OSBP2: variants seen among roughly 807,000 people sequenced by gnomAD.
The protein encoded by OSBP2 is oxysterol binding protein 2, also known as oxysterol-binding protein 2.
In OSBP2, 66 loss-of-function variants were observed where a neutral mutation model predicts 96.0. The observed-to-expected ratio is 0.69, with a 90% confidence interval of 0.56 to 0.84. The LOEUF is 0.84. Ranked by LOEUF, OSBP2 falls within the 40% of genes least tolerant of loss-of-function variation. The probability of loss-of-function intolerance (pLI) is 0.00; values close to 1 mark genes in which losing one functional copy is unlikely to be tolerated. For missense variants in OSBP2, 1,038 were observed against 1,222.7 expected, an observed-to-expected ratio of 0.85 and a Z score of 2.25; for synonymous variants, 525 against 520.9, an observed-to-expected ratio of 1.01 and a Z score of -0.11.
intron 2 of OSBP2, among the ~76,000 whole-genome samples, chr22:30,746,243 A>G (rs1235480966): frequency 3.9e-5 from 6 of 151,988 alleles, no homozygotes; most frequent in Admixed American, 3.3e-4. Flanking sequence ...ACATAGTGAG[A>G]CCCTTTCTTT....
chr22:30,800,588 A>G (rs1027613985), intron 2 of OSBP2, among the ~76,000 whole-genome samples: 2 of 152,156 alleles, frequency 1.3e-5, no homozygotes, highest in African/African-American at 4.8e-5. Flanking sequence ...GTCAGCAGCA[A>G]TGGAAGTCAC....
intron 2 of OSBP2, chr22:30,822,395 G>A: frequency 6.9e-6 from 5 of 725,266 alleles, no homozygotes; most frequent in Non-Finnish European, 9.6e-6. Flanking sequence ...GGGAGGAAGT[G>A]GTAGGCAGCA....
intron 2 of OSBP2, among the ~76,000 whole-genome samples, chr22:30,775,702 T>C (rs1330287937): frequency 6.6e-6 from 1 of 152,224 alleles, no homozygotes; most frequent in Non-Finnish European, 1.5e-5. Flanking sequence ...ATTGTTCAAA[T>C]ACCTAATTAT....
intron 1 of OSBP2, among the ~76,000 whole-genome samples, chr22:30,713,376 CATTTT>C (rs986477701): frequency 6.6e-6 from 1 of 151,994 alleles, no homozygotes; most frequent in African/African-American, 2.4e-5. Context: ...GCACCCAGCT[CATTTT>C]ATTTTATTTT....
intron 2 of OSBP2, among the ~76,000 whole-genome samples, chr22:30,869,003 A>G (rs2039405313): frequency 6.6e-6 from 1 of 152,242 alleles, no homozygotes; most frequent in Non-Finnish European, 1.5e-5. Flanking sequence ...CTTGGCAGTT[A>G]CAGGCTCTGG....
At chr22:30,730,806 ATAAT>A (rs1297195028) in intron 1 of OSBP2, among the ~76,000 whole-genome samples, 7 of 41,558 alleles carry the variant, frequency 1.7e-4, no homozygotes, top group African/African-American at 5.2e-4. Context: ...ATATATATAT[ATAAT>A]TTTTTTTTTT....
At chr22:30,772,586 C>G (rs144488870) in intron 2 of OSBP2, among the ~76,000 whole-genome samples, 89 of 152,294 alleles carry the variant, frequency 5.8e-4, no homozygotes, top group African/African-American at 2.1e-3. Context: ...CCTACCTGTC[C>G]TAGGAGCAGC....
chr22:30,892,660 G>A (rs2039974130), intron 8 of OSBP2, among the ~76,000 whole-genome samples: 1 of 152,148 alleles, frequency 6.6e-6, no homozygotes, highest in African/African-American at 2.4e-5. Context: ...TCTGGAGCCA[G>A]GCTGGCCAGA....
intron 1 of OSBP2, 76 bp downstream of exon 1, chr22:30,695,629 G>A (rs1393187442): frequency 2.6e-6 from 4 of 1,535,884 alleles, no homozygotes; most frequent in Non-Finnish European, 3.5e-6. Flanking sequence ...GGGCCTCCAT[G>A]GTTGGCGGAC....
chr22:30,831,075 G>T (rs1379594232), intron 2 of OSBP2, among the ~76,000 whole-genome samples: 2 of 152,172 alleles, frequency 1.3e-5, no homozygotes, highest in Non-Finnish European at 2.9e-5. Context: ...TTTCCTTTGT[G>T]TTTCTTTCCG....
chr22:30,891,902 G>A (rs2039956563), intron 8 of OSBP2, among the ~76,000 whole-genome samples: 1 of 152,208 alleles, frequency 6.6e-6, no homozygotes, highest in Admixed American at 6.5e-5. Context: ...GGAAAGCAAG[G>A]CAGATACTGT....
At chr22:30,824,779 G>GGGAGA (rs1177582871) in intron 2 of OSBP2, among the ~76,000 whole-genome samples, 5 of 152,300 alleles carry the variant, frequency 3.3e-5, no homozygotes, top group Admixed American at 2.6e-4. Flanking sequence ...AAGTTGAAGA[G>GGGAGA]GGAGATGGGC....
At position 30,865,568 on chromosome 22, in the gene OSBP2, G is replaced by A. The variant is rs150979572; in HGVS notation, c.854-4861G>A. ...AATTGCATGAACCCAGGAGGTGGAGGTTGCAGTGAACTGAGATCATGCCAT... is the reference window on the plus strand; with the variant it reads ...AATTGCATGAACCCAGGAGGTGGAGATTGCAGTGAACTGAGATCATGCCAT... On this transcript the variant is annotated intron_variant, in intron 2 of 13. Coordinates refer to ENST00000332585, the MANE Select transcript of OSBP2 (RefSeq NM_030758.4). 6.9e-3 allele frequency among the ~76,000 whole-genome samples: 1,001 copies of A among 145,230 alleles called. 11 individuals are homozygous for A. The highest frequency in any genetic ancestry group is 0.024 in the African/African-American group (962 of 39,418).
intron 2 of OSBP2, among the ~76,000 whole-genome samples, chr22:30,856,890 G>A (rs767125156): frequency 8.5e-5 from 13 of 152,116 alleles, no homozygotes; most frequent in Admixed American, 3.3e-4. Context: ...GTGGCTGAGC[G>A]GAGGTGGCCC....
chr22:30,694,778 G>T (rs1226158910), upstream of OSBP2: 2 of 600,932 alleles, frequency 3.3e-6, no homozygotes, highest in Non-Finnish European at 4.2e-6. Context: ...GGCACGGAGC[G>T]CACGGGACCG....
chr22:30,694,734 T>C (rs1381331835), upstream of OSBP2: 15 of 421,920 alleles, frequency 3.6e-5, no homozygotes, highest in Admixed American at 6.4e-5. Flanking sequence ...GGCCCGAGGC[T>C]GGCCGAGAGC....
At chr22:30,789,312 C>T (rs2090640582) in intron 2 of OSBP2, among the ~76,000 whole-genome samples, 2 of 152,094 alleles carry the variant, frequency 1.3e-5, no homozygotes, top group South Asian at 4.1e-4. Flanking sequence ...AGAAGTCCAA[C>T]CTTGACAAGA....
chr22:30,767,523 T>C (rs772678118), intron 2 of OSBP2, among the ~76,000 whole-genome samples: 11 of 148,286 alleles, frequency 7.4e-5, no homozygotes, highest in Non-Finnish European at 1.3e-4. Flanking sequence ...TGTCTGGATG[T>C]ATCTTTAAAA....
intron 2 of OSBP2, among the ~76,000 whole-genome samples, chr22:30,829,941 G>A (rs927688138): frequency 6.6e-6 from 1 of 152,214 alleles, no homozygotes; most frequent in East Asian, 1.9e-4. Flanking sequence ...GTGGGAGCAG[G>A]GCTTGGGAGA....
Sources: gnomAD v4.1 joint callset for allele counts (sites outside exome capture counted in the v4.1 genomes callset) on GRCh38, gnomAD v4.1.1 for gene constraint, MANE v1.5 for transcripts, NCBI Gene and HGNC (gene_info 2026-07-23, HGNC 2026-07-21) for gene names.